HCRTR2: variants seen among roughly 807,000 people sequenced by gnomAD.
HCRTR2 encodes orexin receptor type 2.
In HCRTR2, 22 loss-of-function variants were observed where a neutral mutation model predicts 49.0. The ratio of observed to expected loss-of-function variants is 0.45; its 90% CI spans 0.32 to 0.64. HCRTR2 has a LOEUF of 0.64. Among genes scored for constraint, HCRTR2 ranks in the 30% least tolerant of loss-of-function variants. The pLI, the probability that HCRTR2 is intolerant of heterozygous loss-of-function variation, is 0.04. For missense variants in HCRTR2, 491 were observed against 559.4 expected, an observed-to-expected ratio of 0.88 and a Z score of 1.23; for synonymous variants, 236 against 205.3, an observed-to-expected ratio of 1.15 and a Z score of -1.28.
chr6:55,193,659 A>C (rs1765360086), intron 1 of HCRTR2, among the ~76,000 whole-genome samples: 3 of 151,628 alleles, frequency 2.0e-5, no homozygotes, highest in African/African-American at 7.3e-5. Flanking sequence ...TGTTTTACCT[A>C]TGAAACTTGA....
At chr6:55,244,403 CTA>C (rs1291760456) in intron 1 of HCRTR2, among the ~76,000 whole-genome samples, 1 of 151,894 alleles carries the variant, frequency 6.6e-6, no homozygotes, top group African/African-American at 2.4e-5. Context: ...CATGGGGAAA[CTA>C]TTAGGAGGTC....
chr6:55,164,691 T>G (rs1301776566), intron 1 of HCRTR2, among the ~76,000 whole-genome samples: 1 of 151,884 alleles, frequency 6.6e-6, no homozygotes, highest in African/African-American at 2.4e-5. Flanking sequence ...GGTTGATGGG[T>G]GCAGCAAACC....
intron 1 of HCRTR2, among the ~76,000 whole-genome samples, chr6:55,196,185 A>T (rs1765406446): frequency 6.6e-6 from 1 of 152,086 alleles, no homozygotes; most frequent in Non-Finnish European, 1.5e-5. Context: ...ACAGCACTAC[A>T]TCTTTCTTTA....
intron 1 of HCRTR2, among the ~76,000 whole-genome samples, chr6:55,133,079 G>A (rs914985651): frequency 6.6e-6 from 1 of 151,766 alleles, no homozygotes; most frequent in Non-Finnish European, 1.5e-5. Flanking sequence ...TCTTAGCTTG[G>A]TAAGATAACA....
chr6:55,169,776 A>G (rs890483418), upstream of HCRTR2, among the ~76,000 whole-genome samples: 4 of 152,122 alleles, frequency 2.6e-5, no homozygotes, highest in Non-Finnish European at 5.9e-5. Flanking sequence ...GCCACTCTGC[A>G]TCTCTCTACC....
chr6:55,147,547 T>C (rs1764611657), intron 1 of HCRTR2, among the ~76,000 whole-genome samples: 1 of 152,072 alleles, frequency 6.6e-6, no homozygotes, highest in East Asian at 1.9e-4. Flanking sequence ...AGAGAGGTAT[T>C]TTGGCTAAGT....
At chr6:55,138,334 T>C (rs9349759) in intron 1 of HCRTR2, among the ~76,000 whole-genome samples, 152,276 of 152,316 alleles carry the variant, frequency 1, 76,118 homozygotes, top group Middle Eastern at 1. Context: ...AAGATAAACT[T>C]CTTTTAACAA....
chr6:55,107,566 AC>A (rs1187069089), intron 1 of HCRTR2, among the ~76,000 whole-genome samples: 5 of 151,992 alleles, frequency 3.3e-5, no homozygotes, highest in African/African-American at 1.2e-4. Context: ...TTTCTCCTTG[AC>A]CTTTTTAAAA....
At position 55,111,148 on chromosome 6, in the gene HCRTR2, A is replaced by G. The variant is rs1331425230; in HGVS notation, c.-378+4603A>G. Among the ~76,000 whole-genome samples the G allele has an allele frequency of 3.3e-5, 5 of 152,104 alleles. No individual in the cohort carries two copies. The Middle Eastern group carries it at 0.01, about 310-fold the overall frequency. On this transcript the variant is annotated intron_variant, in intron 1 of 7. Coordinates refer to the HCRTR2 transcript ENST00000615358. Reference sequence around the variant, plus strand: ...TCTTTGGGTCAACAATGAAATCAAGATGGAAATGGATACAGCAAAATGGTG... The same window carrying G: ...TCTTTGGGTCAACAATGAAATCAAGGTGGAAATGGATACAGCAAAATGGTG...
chr6:55,156,093 T>A (rs1362199280), intron 1 of HCRTR2, among the ~76,000 whole-genome samples: 2 of 151,778 alleles, frequency 1.3e-5, no homozygotes, highest in African/African-American at 4.8e-5. Flanking sequence ...TTCATGCACT[T>A]TCTATATAGT....
chr6:55,222,757 C>T (rs1340717230), intron 1 of HCRTR2, among the ~76,000 whole-genome samples: 4 of 152,092 alleles, frequency 2.6e-5, no homozygotes, highest in African/African-American at 9.7e-5. Context: ...GGAAGCAGAA[C>T]GGCAGCTGCC....
At chr6:55,188,726 C>A (rs1765266438) in intron 1 of HCRTR2, among the ~76,000 whole-genome samples, 1 of 152,164 alleles carries the variant, frequency 6.6e-6, no homozygotes, top group Admixed American at 6.5e-5. Flanking sequence ...CAAGGAATTT[C>A]TAATCTTGTG....
At chr6:55,133,529 A>G (rs1764387691) in intron 1 of HCRTR2, among the ~76,000 whole-genome samples, 1 of 151,916 alleles carries the variant, frequency 6.6e-6, no homozygotes, top group Non-Finnish European at 1.5e-5. Flanking sequence ...TCTGAAAGTC[A>G]GGAATAACTT....
intron 1 of HCRTR2, among the ~76,000 whole-genome samples, chr6:55,131,230 T>C (rs9370384): frequency 0.025 from 3,736 of 151,936 alleles, 63 homozygotes; most frequent in East Asian, 0.057. Flanking sequence ...TATTTTATTA[T>C]TGATAATGAA....
At chr6:55,208,461 C>T (rs1192999420) in intron 1 of HCRTR2, among the ~76,000 whole-genome samples, 1 of 151,414 alleles carries the variant, frequency 6.6e-6, no homozygotes, top group Admixed American at 6.6e-5. Flanking sequence ...CATTGCACTC[C>T]AGTCTGGGTG....
At chr6:55,197,308 C>G (rs1023217466) in intron 1 of HCRTR2, among the ~76,000 whole-genome samples, 4 of 152,110 alleles carry the variant, frequency 2.6e-5, no homozygotes, top group African/African-American at 9.7e-5. Context: ...CACCCTTACC[C>G]TTTTATCCCA....
intron 1 of HCRTR2, among the ~76,000 whole-genome samples, chr6:55,244,866 T>C (rs1052547574): frequency 6.6e-6 from 1 of 152,032 alleles, no homozygotes; most frequent in Non-Finnish European, 1.5e-5. Flanking sequence ...TTTAGTTTTG[T>C]TCTTCCGCAT....
chr6:55,258,326 G>A (rs1766691015), intron 3 of HCRTR2, among the ~76,000 whole-genome samples: 1 of 152,010 alleles, frequency 6.6e-6, no homozygotes, highest in Non-Finnish European at 1.5e-5. Context: ...CAACCAATGT[G>A]GCAGTGGAAA....
intron 1 of HCRTR2, among the ~76,000 whole-genome samples, chr6:55,112,170 A>G (rs1764057581): frequency 6.6e-6 from 1 of 152,074 alleles, no homozygotes; most frequent in African/African-American, 2.4e-5. Context: ...ATCTATGACA[A>G]ATGCACAGTC....
Sources: allele counts gnomAD v4.1 joint callset (sites outside exome capture counted in the v4.1 genomes callset), GRCh38; gene constraint gnomAD v4.1.1; transcripts MANE v1.5; gene names NCBI Gene and HGNC (gene_info 2026-07-23, HGNC 2026-07-21).